ZBTB20: variants seen among roughly 807,000 people sequenced by gnomAD.
The protein encoded by ZBTB20 is zinc finger and BTB domain-containing protein 20.
Under a neutral mutation model 56.9 loss-of-function variants are expected in ZBTB20, and 9 were observed. The observed-to-expected ratio is 0.16, with a 90% confidence interval of 0.10 to 0.28. ZBTB20 has a LOEUF of 0.28. Among genes scored for constraint, ZBTB20 ranks in the 10% least tolerant of loss-of-function variants. The pLI is 1.00. For synonymous variants in ZBTB20, 417 were observed against 420.7 expected (o/e 0.99, Z 0.11); for missense variants, 655 against 1,003.0 (o/e 0.65, Z 4.69).
chr3:114,499,639 C>T (rs187685587), intron 7 of ZBTB20, among the ~76,000 whole-genome samples: 2 of 152,284 alleles, frequency 1.3e-5, no homozygotes, highest in Admixed American at 1.3e-4. Flanking sequence ...CTTTTTCAAG[C>T]AGTTCAAAAT....
chr3:114,830,204 G>A (rs1224733471), intron 4 of ZBTB20, among the ~76,000 whole-genome samples: 2 of 151,830 alleles, frequency 1.3e-5, no homozygotes, highest in Non-Finnish European at 2.9e-5. Flanking sequence ...TGTACTCTTT[G>A]CTTTAAGAAG....
At chr3:114,370,399 A>G (rs1413870229) in intron 10 of ZBTB20, among the ~76,000 whole-genome samples, 1 of 152,156 alleles carries the variant, frequency 6.6e-6, no homozygotes, top group African/African-American at 2.4e-5. Flanking sequence ...CTTGACAACA[A>G]TCAGGAGGCT....
intron 6 of ZBTB20, among the ~76,000 whole-genome samples, chr3:114,600,834 T>C (rs986251868): frequency 1.3e-5 from 2 of 152,028 alleles, no homozygotes; most frequent in African/African-American, 4.8e-5. Context: ...CAGATATAAG[T>C]ATATCATGTT....
chr3:115,126,398 T>A (rs1264785649), intron 1 of ZBTB20, among the ~76,000 whole-genome samples: 2 of 152,098 alleles, frequency 1.3e-5, no homozygotes, highest in East Asian at 1.9e-4. Context: ...CCAAGAAACA[T>A]GTGCAAGAAT....
At chr3:114,588,268 G>A (rs981218366) in intron 6 of ZBTB20, among the ~76,000 whole-genome samples, 1 of 152,156 alleles carries the variant, frequency 6.6e-6, no homozygotes, top group Admixed American at 6.6e-5. Flanking sequence ...TTTAATGATA[G>A]CTTTGCCATG....
chr3:114,967,774 T>A (rs1193004508), intron 3 of ZBTB20, among the ~76,000 whole-genome samples: 2 of 152,096 alleles, frequency 1.3e-5, no homozygotes, highest in African/African-American at 4.8e-5. Context: ...CTGGCCAATG[T>A]GGTGAAACCC....
At chr3:114,873,932 T>C (rs2076101298) in intron 4 of ZBTB20, 2 of 152,140 alleles carry the variant, frequency 1.3e-5, no homozygotes, top group Non-Finnish European at 2.9e-5. Context: ...TTATGAAAAC[T>C]GAAAGCCTGT....
chr3:114,763,144 A>G (rs1263864986), intron 5 of ZBTB20, among the ~76,000 whole-genome samples: 2 of 152,164 alleles, frequency 1.3e-5, no homozygotes, highest in East Asian at 3.8e-4. Flanking sequence ...TTTAGAACTC[A>G]CGTATTTTAA....
rs575674046 is a variant in ZBTB20, at chr3:115,017,624, A to G, written c.-506-43208T>C. 2.2e-4 allele frequency among the ~76,000 whole-genome samples: 34 copies of G among 151,746 alleles called. No homozygotes were observed. In the East Asian group the frequency reaches 6.2e-3, roughly 28 times the overall value. ...TGTGAATTGAACTACCTATTGAGGA[A>G]GTATGTTATCATTAATGCTTTCTCA... On this transcript the variant is annotated intron_variant, in intron 2 of 11. Transcript: ENST00000675478.
At chr3:114,484,599 C>T (rs1056726359) in intron 7 of ZBTB20, among the ~76,000 whole-genome samples, 8 of 152,158 alleles carry the variant, frequency 5.3e-5, no homozygotes, top group African/African-American at 1.9e-4. Flanking sequence ...ACTGCAAGAG[C>T]CAAAGCACTG....
chr3:114,360,542 CG>C (rs1400174564), intron 10 of ZBTB20, among the ~76,000 whole-genome samples: 2 of 149,566 alleles, frequency 1.3e-5, no homozygotes, highest in Non-Finnish European at 1.5e-5. Flanking sequence ...TTAGTAGAGA[CG>C]GTTTTCACTA....
intron 5 of ZBTB20, among the ~76,000 whole-genome samples, chr3:114,777,486 A>G (rs1255640861): frequency 2.6e-5 from 4 of 152,162 alleles, no homozygotes; most frequent in Non-Finnish European, 5.9e-5. Context: ...CAAAAAACAC[A>G]TGAAAAAATG....
intron 2 of ZBTB20, among the ~76,000 whole-genome samples, chr3:115,013,172 C>T (rs2079794421): frequency 6.6e-6 from 1 of 150,840 alleles, no homozygotes; most frequent in Admixed American, 6.6e-5. Flanking sequence ...AAAGCAAGAG[C>T]AAATCAAACA....
rs1005014176 is a variant in ZBTB20, at chr3:114,798,361, C to T, written c.-343+2740G>A. On this transcript the variant is annotated intron_variant, in intron 5 of 11. Coordinates refer to ENST00000675478, the MANE Select transcript of ZBTB20 (RefSeq NM_001348800.3). ...AAAAACAAAAAAACAAAAAAAAACA[C>T]ACAAAAAAACCTCTTTTGATAACAA... is the stretch of plus-strand genomic sequence containing the variant. 5.1e-5 allele frequency among the ~76,000 whole-genome samples: 4 copies of T among 78,716 alleles called. No homozygotes were observed. In the Admixed American group the frequency reaches 5.1e-4, roughly 10 times the overall value. 51.6% of individuals were successfully genotyped at this position (78,716 alleles called of 152,430 possible). A position where few individuals can be genotyped will look rare whatever the true frequency, so the allele number is the denominator to read the frequency against.
intron 7 of ZBTB20, among the ~76,000 whole-genome samples, chr3:114,457,427 A>G (rs11917524): frequency 0.041 from 6,311 of 152,272 alleles, 131 homozygotes; most frequent in Middle Eastern, 0.082. Context: ...CAAAGCATGT[A>G]GGTTCAAGAC....
intron 6 of ZBTB20, chr3:114,529,216 C>T (rs1224263530): frequency 6.6e-6 from 1 of 152,092 alleles, no homozygotes; most frequent in Non-Finnish European, 1.5e-5. Flanking sequence ...ATACGCTGTC[C>T]CAGGCCTGGT....
At chr3:114,857,594 T>C (rs138940417) in intron 4 of ZBTB20, among the ~76,000 whole-genome samples, 39 of 152,288 alleles carry the variant, frequency 2.6e-4, no homozygotes, top group African/African-American at 8.2e-4. Flanking sequence ...ATGAGTTACA[T>C]GACATCTCCT....
chr3:114,504,431 A>G (rs767463843), intron 6 of ZBTB20, among the ~76,000 whole-genome samples: 3 of 152,186 alleles, frequency 2.0e-5, no homozygotes, highest in Non-Finnish European at 4.4e-5. Context: ...TAGTAAATAC[A>G]TGGCTGTCTT....
chr3:114,470,724 C>A (rs915184962), intron 7 of ZBTB20, among the ~76,000 whole-genome samples: 2 of 152,126 alleles, frequency 1.3e-5, no homozygotes. Context: ...CCAGATATGA[C>A]TCCAACGGCT....
Sources: allele counts gnomAD v4.1 joint callset (sites outside exome capture counted in the v4.1 genomes callset), GRCh38; gene constraint gnomAD v4.1.1; transcripts MANE v1.5; gene names NCBI Gene and HGNC (gene_info 2026-07-23, HGNC 2026-07-21).